The following PRKCB variants were observed in gnomAD, a reference collection of about 807,000 sequenced individuals.
PRKCB encodes the protein protein kinase C beta type.
In PRKCB, 13 loss-of-function variants were observed where a neutral mutation model predicts 81.5. That is an observed-to-expected ratio of 0.16 (90% CI 0.10 to 0.25). The LOEUF (loss-of-function observed/expected upper bound fraction) is 0.25, where lower values mean the gene tolerates loss of function less well. PRKCB is among the 10% of genes least tolerant of loss of function. The probability of loss-of-function intolerance (pLI) is 1.00; values close to 1 mark genes in which losing one functional copy is unlikely to be tolerated. For synonymous variants in PRKCB, 335 were observed against 321.4 expected (o/e 1.04, Z -0.45); for missense variants, 509 against 875.7 (o/e 0.58, Z 5.29).
At position 24,127,156 on chromosome 16, in the gene PRKCB, G is replaced by A. The variant is rs142174255; in HGVS notation, c.1065+3175G>A. On this transcript the variant is annotated intron_variant, in intron 9 of 16. Coordinates refer to ENST00000643927, the MANE Select transcript of PRKCB (RefSeq NM_002738.7). ...CGAGTGGCTGGCATTACAGGCACGCGCCACCACGCCCAGCTAATTTTCCAC... is the reference window on the plus strand; with the variant it reads ...CGAGTGGCTGGCATTACAGGCACGCACCACCACGCCCAGCTAATTTTCCAC... Among the ~76,000 whole-genome samples the A allele has an allele frequency of 2.9e-3, 434 of 151,834 alleles. 5 individuals are homozygous for A. Among genetic ancestry groups the A allele is most frequent in the African/African-American group, 9.9e-3 (408 of 41,354 alleles).
intron 15 of PRKCB, among the ~76,000 whole-genome samples, chr16:24,189,559 G>A (rs371196838): frequency 1.3e-5 from 2 of 150,866 alleles, no homozygotes; most frequent in Admixed American, 6.6e-5. Context: ...GGAGAATGGC[G>A]TGAACCCGGG....
At chr16:24,212,948 C>T (rs1250683292) in intron 16 of PRKCB, among the ~76,000 whole-genome samples, 2 of 152,220 alleles carry the variant, frequency 1.3e-5, no homozygotes, top group South Asian at 2.1e-4. Flanking sequence ...CTTGTCTTCC[C>T]GCTGGCCCCT....
At chr16:23,850,704 T>C (rs1962458843) in intron 2 of PRKCB, among the ~76,000 whole-genome samples, 1 of 152,196 alleles carries the variant, frequency 6.6e-6, no homozygotes, top group Non-Finnish European at 1.5e-5. Flanking sequence ...CTTTTAGTAC[T>C]GTTTTTCATA....
chr16:24,041,273 C>T (rs1242470089), intron 5 of PRKCB, among the ~76,000 whole-genome samples: 1 of 151,974 alleles, frequency 6.6e-6, no homozygotes, highest in South Asian at 2.1e-4. Context: ...AGGATGGTCT[C>T]GATCTCCTGA....
At chr16:24,138,224 C>G (rs2141941240) in intron 9 of PRKCB, among the ~76,000 whole-genome samples, 1 of 152,276 alleles carries the variant, frequency 6.6e-6, no homozygotes, top group Admixed American at 6.5e-5. Flanking sequence ...TCCAGTGCCC[C>G]CTACTCCTGC....
intron 2 of PRKCB, among the ~76,000 whole-genome samples, chr16:23,881,965 CCTTTCTTTCTTTCTTTCTTT>C (rs1192906884): frequency 4.0e-4 from 28 of 70,136 alleles, no homozygotes; most frequent in African/African-American, 9.6e-4. Flanking sequence ...TTTTTCTTTT[CCTTTCTTTCTTTCTTTCTTT>C]CTTTCTTTCT....
At chr16:24,093,517 G>A (rs1030905161) in intron 6 of PRKCB, among the ~76,000 whole-genome samples, 13 of 152,138 alleles carry the variant, frequency 8.5e-5, no homozygotes, top group Non-Finnish European at 1.3e-4. Flanking sequence ...CGACTTCATC[G>A]GCTCATTTTA....
At chr16:24,116,647 A>C (rs1454408982) in intron 8 of PRKCB, among the ~76,000 whole-genome samples, 1 of 152,200 alleles carries the variant, frequency 6.6e-6, no homozygotes, top group Non-Finnish European at 1.5e-5. Flanking sequence ...CTGAAAAAAG[A>C]ACCTTCCCTC....
chr16:23,877,032 C>G (rs1179692914), intron 2 of PRKCB, among the ~76,000 whole-genome samples: 1 of 152,048 alleles, frequency 6.6e-6, no homozygotes, highest in African/African-American at 2.4e-5. Context: ...AGATGAAGAA[C>G]CAGGCTTTAG....
At chr16:24,041,077 A>G (rs1965691848) in intron 5 of PRKCB, among the ~76,000 whole-genome samples, 1 of 131,326 alleles carries the variant, frequency 7.6e-6, no homozygotes, top group Non-Finnish European at 1.7e-5. Context: ...TGTGTGACAG[A>G]GTCTTGCTGT....
Position 24,220,211 on chromosome 16 carries a change from C to A in PRKCB, c.*5395C>A. 7.1e-7 allele frequency: 1 copy of A among 1,418,384 alleles called. No homozygotes were observed. The allele number at this position is 1,418,384 out of a possible 1,614,324, so 87.9% of individuals were successfully genotyped here. On this transcript the variant is annotated 3_prime_UTR_variant, in exon 17 of 17. Transcript: ENST00000643927. ...CCAGGATTCACGGTGCACATGCTGG[C>A]ATTCAACATGTGGAAAGCTTGTCTT...
intron 3 of PRKCB, among the ~76,000 whole-genome samples, chr16:24,023,442 C>T (rs1273148482): frequency 6.6e-6 from 1 of 152,170 alleles, no homozygotes; most frequent in Non-Finnish European, 1.5e-5. Flanking sequence ...GATCTCGGCT[C>T]ACTGCAAGCT....
intron 10 of PRKCB, among the ~76,000 whole-genome samples, chr16:24,161,828 T>A (rs1426272312): frequency 6.6e-6 from 1 of 152,136 alleles, no homozygotes; most frequent in Non-Finnish European, 1.5e-5. Context: ...GCCGGCATTA[T>A]TAGAGCTGGA....
At chr16:23,875,710 A>G (rs147968412) in intron 2 of PRKCB, among the ~76,000 whole-genome samples, 3,280 of 134,472 alleles carry the variant, frequency 0.024, 227 homozygotes, top group African/African-American at 0.093. Flanking sequence ...TCACACATAT[A>G]TATGTATGTA....
chr16:24,099,485 TAC>T (rs1966478196), intron 7 of PRKCB: 1 of 152,210 alleles, frequency 6.6e-6, no homozygotes, highest in African/African-American at 2.4e-5. Context: ...GTGGTTAGAT[TAC>T]AGTTTGGTTT....
At chr16:24,002,636 G>A (rs1012175085) in intron 3 of PRKCB, among the ~76,000 whole-genome samples, 2 of 152,126 alleles carry the variant, frequency 1.3e-5, no homozygotes, top group African/African-American at 4.8e-5. Flanking sequence ...ACTGCGCCTG[G>A]CCAGCATAGG....
chr16:24,101,677 G>A lies in PRKCB; in HGVS notation c.821+7380G>A, dbSNP rs1966510131. On this transcript the variant is annotated intron_variant, in intron 7 of 16. Coordinates refer to ENST00000643927, the MANE Select transcript of PRKCB (RefSeq NM_002738.7). ...GAAGCAGATGGAGTTAGTTAGGTCC[G>A]ATTTCTTACACTGTCATAGCTTTTC... is the stretch of plus-strand genomic sequence containing the variant. Among the ~76,000 whole-genome samples the A allele has an allele frequency of 3.3e-5, 5 of 152,208 alleles. No homozygotes were observed. In the South Asian group the frequency reaches 1.0e-3, roughly 31 times the overall value.
rs1221797725 is a variant in PRKCB, at chr16:23,839,599, TC to T, written c.205+2194del. 2.8e-5 allele frequency among the ~76,000 whole-genome samples: 4 copies of T among 140,892 alleles called. No individual in the cohort carries two copies. In the East Asian group the frequency reaches 6.7e-4, roughly 23 times the overall value. 92.4% of individuals were successfully genotyped at this position (140,892 alleles called of 152,430 possible). On this transcript the variant is annotated intron_variant, in intron 2 of 16. Transcript: ENST00000643927. Reference sequence around the variant, plus strand: ...GAGTGTCTATTTTTTAAATTGCCTTTCTTTTTCTCTTCCCTGCCTCCCCACC... The same window carrying T: ...GAGTGTCTATTTTTTAAATTGCCTTTTTTTTCTCTTCCCTGCCTCCCCACC...
chr16:23,970,334 T>TG (rs1964540635), intron 2 of PRKCB, among the ~76,000 whole-genome samples: 1 of 151,956 alleles, frequency 6.6e-6, no homozygotes, highest in South Asian at 2.1e-4. Flanking sequence ...GCCAGTGGAG[T>TG]GGGCGGTTGT....
Sources: allele counts gnomAD v4.1 joint callset (sites outside exome capture counted in the v4.1 genomes callset), GRCh38; gene constraint gnomAD v4.1.1; transcripts MANE v1.5; gene names NCBI Gene and HGNC (gene_info 2026-07-23, HGNC 2026-07-21).